Variants in RETREG1 observed in about 807,000 individuals in gnomAD.
RETREG1 encodes reticulophagy regulator 1.
Under a neutral mutation model 54.8 loss-of-function variants are expected in RETREG1, and 44 were observed. That is an observed-to-expected ratio of 0.80 (90% CI 0.63 to 1.03). RETREG1 has a LOEUF of 1.03. RETREG1 is among the 50% of genes least tolerant of loss of function. The pLI is 0.00. For synonymous variants in RETREG1, 217 were observed against 238.5 expected (o/e 0.91, Z 0.83); for missense variants, 554 against 605.1 (o/e 0.92, Z 0.89).
chr5:16,611,818 A>G (rs909350880), intron 1 of RETREG1, among the ~76,000 whole-genome samples: 25 of 152,146 alleles, frequency 1.6e-4, no homozygotes, highest in Admixed American at 1.1e-3. Context: ...GACATCACAC[A>G]CTTTAGGAGG....
rs535334056 is a variant in RETREG1, at chr5:16,590,887, G to A, written c.321-18785C>T. ...CACACATGCAAACATACACACACAC[G>A]CACACACACATGCACAAACACAAAA... On this transcript the variant is annotated intron_variant, in intron 1 of 8. Coordinates refer to ENST00000306320, the MANE Select transcript of RETREG1 (RefSeq NM_001034850.3). 9.4e-3 allele frequency among the ~76,000 whole-genome samples: 1,304 copies of A among 139,248 alleles called. 18 individuals are homozygous for A. The highest frequency in any genetic ancestry group is 0.029 in the Middle Eastern group (8 of 272). 91.4% of individuals were successfully genotyped at this position (139,248 alleles called of 152,430 possible).
rs77730605 is a variant in RETREG1, at chr5:16,524,590, T to C, written c.459-41118A>G. On this transcript the variant is annotated intron_variant, in intron 3 of 8. Coordinates refer to ENST00000306320, the MANE Select transcript of RETREG1 (RefSeq NM_001034850.3). ...CCAGACGCTGCTTTCGGCCTGCTTA[T>C]TTATAACCAAGGAGAATTTGTTTCT... 5.2e-3 allele frequency among the ~76,000 whole-genome samples: 798 copies of C among 152,364 alleles called. 7 individuals are homozygous for C. Among genetic ancestry groups the C allele is most frequent in the African/African-American group, 0.018 (746 of 41,582 alleles).
intron 3 of RETREG1, among the ~76,000 whole-genome samples, chr5:16,492,944 A>G (rs1403914810): frequency 1.3e-5 from 2 of 152,206 alleles, no homozygotes; most frequent in Non-Finnish European, 2.9e-5. Flanking sequence ...TCACTTTCTC[A>G]GGCCAATTAG....
chr5:16,608,274 G>C (rs964479181), intron 1 of RETREG1, among the ~76,000 whole-genome samples: 1 of 152,058 alleles, frequency 6.6e-6, no homozygotes, highest in Non-Finnish European at 1.5e-5. Flanking sequence ...AACATCTACA[G>C]TGTTTCAGAT....
intron 8 of RETREG1, among the ~76,000 whole-genome samples, chr5:16,475,935 A>C (rs566359717): frequency 6.6e-6 from 1 of 152,316 alleles, no homozygotes; most frequent in South Asian, 2.1e-4. Context: ...AACTCCCTGC[A>C]ACAGTGATTT....
At chr5:16,575,661 G>A (rs971726462) in intron 1 of RETREG1, among the ~76,000 whole-genome samples, 1 of 152,202 alleles carries the variant, frequency 6.6e-6, no homozygotes, top group Non-Finnish European at 1.5e-5. Flanking sequence ...TTCTGTCCTG[G>A]GCAAGGGCCC....
At chr5:16,582,031 TA>T (rs1282373728) in intron 1 of RETREG1, among the ~76,000 whole-genome samples, 11 of 152,218 alleles carry the variant, frequency 7.2e-5, no homozygotes, top group African/African-American at 2.7e-4. Flanking sequence ...CTTTGGAAAC[TA>T]AAGCAAACAT....
intron 3 of RETREG1, among the ~76,000 whole-genome samples, chr5:16,525,562 G>T (rs1740689391): frequency 6.6e-6 from 1 of 152,178 alleles, no homozygotes; most frequent in Admixed American, 6.5e-5. Flanking sequence ...TTAATCGGAT[G>T]AGATGGCGTC....
At chr5:16,475,757 C>T (rs2126507277) in intron 8 of RETREG1, among the ~76,000 whole-genome samples, 1 of 152,274 alleles carries the variant, frequency 6.6e-6, no homozygotes, top group Middle Eastern at 3.4e-3. Flanking sequence ...AGATACTGCT[C>T]CTTCTATTCC....
intron 3 of RETREG1, among the ~76,000 whole-genome samples, chr5:16,562,251 G>C (rs2162770): frequency 6.6e-6 from 1 of 151,868 alleles, no homozygotes; most frequent in Non-Finnish European, 1.5e-5. Flanking sequence ...GGAGGCGGAG[G>C]TTGCAGTGAG....
At chr5:16,498,514 A>G (rs1008134019) in intron 3 of RETREG1, among the ~76,000 whole-genome samples, 2 of 152,222 alleles carry the variant, frequency 1.3e-5, no homozygotes, top group African/African-American at 4.8e-5. Flanking sequence ...GGAGTTCAAC[A>G]CCAGCCTGGG....
At chr5:16,496,516 T>C (rs1171205301) in intron 3 of RETREG1, among the ~76,000 whole-genome samples, 1 of 152,176 alleles carries the variant, frequency 6.6e-6, no homozygotes, top group Admixed American at 6.5e-5. Context: ...CACCTCCCAC[T>C]GGCTGGAACA....
chr5:16,539,183 T>A (rs1156841761), intron 3 of RETREG1, among the ~76,000 whole-genome samples: 1 of 152,102 alleles, frequency 6.6e-6, no homozygotes, highest in Non-Finnish European at 1.5e-5. Flanking sequence ...GGGAGGTACA[T>A]CCATAAAGGG....
chr5:16,528,561 C>T (rs959772340), intron 3 of RETREG1, among the ~76,000 whole-genome samples: 11 of 152,268 alleles, frequency 7.2e-5, no homozygotes, highest in Admixed American at 3.3e-4. Flanking sequence ...AGGAGTGAGA[C>T]CTGTCCCAGG....
At chr5:16,573,371 A>G (rs1413653779) in intron 1 of RETREG1, among the ~76,000 whole-genome samples, 1 of 152,116 alleles carries the variant, frequency 6.6e-6, no homozygotes, top group African/African-American at 2.4e-5. Flanking sequence ...TTGTAAAGAA[A>G]TCACAAAGAG....
chr5:16,606,904 T>C (rs1308092985), intron 1 of RETREG1, among the ~76,000 whole-genome samples: 1 of 152,160 alleles, frequency 6.6e-6, no homozygotes, highest in Non-Finnish European at 1.5e-5. Context: ...GAATGAACAC[T>C]GTTTCCCCCT....
intron 3 of RETREG1, chr5:16,508,609 G>T (rs746951374): frequency 6.2e-7 from 1 of 1,614,092 alleles, no homozygotes; most frequent in Non-Finnish European, 8.5e-7. Flanking sequence ...TCACCTTCAG[G>T]CATTTCTGCC....
In RETREG1 at chr5:16,508,722, G is replaced by GA. The variant is rs1232673216; in HGVS notation, c.459-25251dup. ...CTACTCTAATGCTGAATATCAGGAGGAAAAAAACCCAGTAGAGACGTTCTT... is the reference window on the plus strand; with the variant it reads ...CTACTCTAATGCTGAATATCAGGAGGAAAAAAAACCCAGTAGAGACGTTCTT... On this transcript the variant is annotated intron_variant, in intron 3 of 8. Transcript: ENST00000306320. 4 of 1,551,570 alleles carry GA rather than the reference G, an allele frequency of 2.6e-6. No homozygotes were observed. In the South Asian group the frequency reaches 3.5e-5, roughly 14 times the overall value.
chr5:16,609,192 G>A (rs1192633096), intron 1 of RETREG1, among the ~76,000 whole-genome samples: 6 of 152,248 alleles, frequency 3.9e-5, no homozygotes, highest in Non-Finnish European at 5.9e-5. Context: ...GAACAGTACC[G>A]GTCAACGTCA....
Sources: gnomAD v4.1 joint callset for allele counts (sites outside exome capture counted in the v4.1 genomes callset) on GRCh38, gnomAD v4.1.1 for gene constraint, MANE v1.5 for transcripts, NCBI Gene and HGNC (gene_info 2026-07-23, HGNC 2026-07-21) for gene names.